The following MTUS2 variants were observed in gnomAD, a reference collection of about 807,000 sequenced individuals.
The protein encoded by MTUS2 is microtubule-associated tumor suppressor candidate 2.
A neutral mutation model predicts 114.1 loss-of-function variants in MTUS2; 40 were observed. The observed-to-expected ratio is 0.35, with a 90% CI of 0.27 to 0.46. The LOEUF is 0.46. Ranked by LOEUF, MTUS2 falls within the 20% of genes least tolerant of loss-of-function variation. The pLI is 1.00. For synonymous variants in MTUS2, 688 were observed against 672.0 expected (o/e 1.02, Z -0.37); for missense variants, 1,679 against 1,705.4 (o/e 0.98, Z 0.27).
chr13:29,154,992 C>T (rs919825710), intron 5 of MTUS2, among the ~76,000 whole-genome samples: 3 of 152,192 alleles, frequency 2.0e-5, no homozygotes, highest in African/African-American at 4.8e-5. Flanking sequence ...GATGCCGCCT[C>T]GGCTGCTGGA....
Position 29,503,184 on chromosome 13 carries a change from G to A in MTUS2, c.4088G>A (p.Arg1363Lys), listed in dbSNP as rs1883021633. The change falls in exon 16 of 16, where the codon AGA (arginine) becomes AAA (lysine). Residue 1363 changes from arginine (R) to lysine (K), a missense_variant. Physicochemically the swap from Arg to Lys is conservative, Grantham distance 26 (BLOSUM62 2). This residue lies in a region of MTUS2 where 822 missense variants were observed against 899.7 expected (regional missense o/e 0.91). Coordinates refer to ENST00000612955, the MANE Select transcript of MTUS2 (RefSeq NM_001033602.4). Reference protein sequence around the residue: ...GSSSGPSSPARVSTTPR With the variant: ...GSSSGPSSPAKVSTTPR ...TCCTCGGGGCCCTCCTCTCCGGCCA[G>A]AGTCAGCACAACACCCAGATGACGC... 6.2e-7 allele frequency: 1 copy of A among 1,613,942 alleles called. No individual in the cohort carries two copies. Among genetic ancestry groups the A allele is most frequent in the South Asian group, 1.1e-5 (1 of 91,086 alleles).
Position 29,024,588 on chromosome 13 carries a change from A to G in MTUS2, c.-111A>G. 7.6e-7 allele frequency: 1 copy of G among 1,318,702 alleles called. No homozygotes were observed. The highest frequency in any genetic ancestry group is 1.1e-6 in the Non-Finnish European group (1 of 950,588). The allele number at this position is 1,318,702 out of a possible 1,614,324, so 81.7% of individuals were successfully genotyped here. ...AGCAGTGTCGCAAGGTGACATTGTC[A>G]GGGGAGAACAAGCAGCTTGAGAATT... On this transcript the variant is annotated 5_prime_UTR_variant, in exon 3 of 16. Transcript: ENST00000612955.
intron 6 of MTUS2, chr13:29,307,310 T>A: frequency 1.5e-6 from 1 of 672,802 alleles, no homozygotes; most frequent in Non-Finnish European, 2.7e-6. Context: ...ATGACCACAG[T>A]CCATGCTGTC....
chr13:29,492,243 G>A (rs1882230471), intron 11 of MTUS2, among the ~76,000 whole-genome samples: 1 of 145,468 alleles, frequency 6.9e-6, no homozygotes, highest in African/African-American at 2.6e-5. Flanking sequence ...TGTGTGGCAT[G>A]TGTGTATGTG....
chr13:28,834,104 T>C (rs190642048), intron 1 of MTUS2, among the ~76,000 whole-genome samples: 99 of 152,272 alleles, frequency 6.5e-4, no homozygotes, highest in Non-Finnish European at 9.0e-4. Flanking sequence ...CTTCCCATAT[T>C]GATCTGCAGA....
intron 2 of MTUS2, among the ~76,000 whole-genome samples, chr13:28,857,587 C>T (rs1362519110): frequency 6.6e-6 from 1 of 152,120 alleles, no homozygotes; most frequent in African/African-American, 2.4e-5. Context: ...AGTCAAACTA[C>T]AGAACTGCCC....
At chr13:28,897,273 A>T (rs936533041) in intron 2 of MTUS2, among the ~76,000 whole-genome samples, 13 of 152,356 alleles carry the variant, frequency 8.5e-5, no homozygotes, top group Admixed American at 8.5e-4. Context: ...GAAGACATTT[A>T]TGCAGCCAAA....
chr13:29,355,222 G>T (rs772590551), intron 7 of MTUS2, among the ~76,000 whole-genome samples: 3 of 152,094 alleles, frequency 2.0e-5, no homozygotes, highest in African/African-American at 7.2e-5. Flanking sequence ...GCCTTTGCAC[G>T]CAACGCCTAG....
chr13:28,863,027 A>G (rs936166486), intron 2 of MTUS2, among the ~76,000 whole-genome samples: 3 of 152,194 alleles, frequency 2.0e-5, no homozygotes, highest in African/African-American at 7.2e-5. Context: ...CAAAATGAAG[A>G]AATTATAGAA....
intron 1 of MTUS2, among the ~76,000 whole-genome samples, chr13:28,838,696 C>T (rs530041071): frequency 1.3e-5 from 2 of 152,272 alleles, no homozygotes; most frequent in Admixed American, 6.5e-5. Context: ...TTCCAGCCCT[C>T]AGCTTTTCTT....
chr13:28,901,394 A>G (rs531778869), intron 2 of MTUS2, among the ~76,000 whole-genome samples: 15 of 152,282 alleles, frequency 9.9e-5, no homozygotes, highest in Middle Eastern at 6.8e-3. Flanking sequence ...GTTTTCTTGT[A>G]TGGATTATGC....
At chr13:28,949,803 G>A (rs549460425) in intron 2 of MTUS2, among the ~76,000 whole-genome samples, 1 of 151,974 alleles carries the variant, frequency 6.6e-6, no homozygotes, top group South Asian at 2.1e-4. Flanking sequence ...CCTTTTTAAG[G>A]CTGAATGATA....
At chr13:29,282,302 C>G (rs1240140285) in intron 6 of MTUS2, among the ~76,000 whole-genome samples, 1 of 152,232 alleles carries the variant, frequency 6.6e-6, no homozygotes, top group Non-Finnish European at 1.5e-5. Context: ...AGGCTCACAT[C>G]TCCAAAGCTA....
intron 2 of MTUS2, among the ~76,000 whole-genome samples, chr13:28,966,724 C>CAAAAAAAAAAAAAAAAA (rs10597818): frequency 1.2e-5 from 1 of 82,276 alleles, no homozygotes; most frequent in Non-Finnish European, 2.2e-5. Flanking sequence ...GACCCTGTCT[C>CAAAAAAAAAAAAAAAAA]AAAAAAAAAA....
intron 5 of MTUS2, among the ~76,000 whole-genome samples, chr13:29,107,679 A>G (rs1566012725): frequency 1.3e-5 from 2 of 152,160 alleles, no homozygotes; most frequent in Non-Finnish European, 2.9e-5. Context: ...TAACCTATAT[A>G]TCTCCTTGGA....
chr13:29,211,871 C>T (rs1895456424), intron 5 of MTUS2, among the ~76,000 whole-genome samples: 1 of 151,838 alleles, frequency 6.6e-6, no homozygotes, highest in Admixed American at 6.6e-5. Context: ...CTGGTGTGTT[C>T]TTCAGTAGTT....
chr13:28,979,874 A>G (rs539148846), intron 2 of MTUS2, among the ~76,000 whole-genome samples: 3 of 152,200 alleles, frequency 2.0e-5, no homozygotes, highest in Non-Finnish European at 4.4e-5. Context: ...AATTTGGAGC[A>G]ACCTTTTTTG....
At chr13:28,905,339 C>T (rs1207327158) in intron 2 of MTUS2, among the ~76,000 whole-genome samples, 11 of 151,476 alleles carry the variant, frequency 7.3e-5, no homozygotes, top group East Asian at 3.9e-4. Flanking sequence ...TGCCTCTTTT[C>T]GAAGGGAATG....
At chr13:29,346,429 C>T (rs1217274383) in intron 7 of MTUS2, among the ~76,000 whole-genome samples, 1 of 151,972 alleles carries the variant, frequency 6.6e-6, no homozygotes, top group Non-Finnish European at 1.5e-5. Flanking sequence ...GAGTTATGTT[C>T]CCAGGGGGAT....
Sources: allele counts gnomAD v4.1 joint callset (sites outside exome capture counted in the v4.1 genomes callset), GRCh38; gene constraint gnomAD v4.1.1; regional missense constraint gnomAD v4.1.1; transcripts MANE v1.5; gene names NCBI Gene and HGNC (gene_info 2026-07-23, HGNC 2026-07-21).